EPB41L4B: variants seen among roughly 807,000 people sequenced by gnomAD.
EPB41L4B encodes the protein band 4.1-like protein 4B.
In EPB41L4B, 30 loss-of-function variants were observed where a neutral mutation model predicts 112.5. That is an observed-to-expected ratio of 0.27 (90% CI 0.20 to 0.36). The LOEUF is 0.36. EPB41L4B is among the 10% of genes least tolerant of loss of function. EPB41L4B has a pLI of 1.00. For synonymous variants in EPB41L4B, 408 were observed against 439.7 expected, an observed-to-expected ratio of 0.93 and a Z score of 0.90; for missense variants, 1,024 against 1,133.3, an observed-to-expected ratio of 0.90 and a Z score of 1.38.
intron 21 of EPB41L4B, among the ~76,000 whole-genome samples, chr9:109,193,834 G>C (rs1832548842): frequency 6.6e-6 from 1 of 152,206 alleles, no homozygotes. Flanking sequence ...CATAAGGGAA[G>C]GGATGGGGAC....
At chr9:109,184,880 A>C (rs1832199515) in intron 23 of EPB41L4B, among the ~76,000 whole-genome samples, 1 of 152,272 alleles carries the variant, frequency 6.6e-6, no homozygotes, top group African/African-American at 2.4e-5. Context: ...TTGATGAAAT[A>C]CAAATAGTCA....
At chr9:109,191,119 C>T (rs974727491) in intron 22 of EPB41L4B, among the ~76,000 whole-genome samples, 9 of 152,132 alleles carry the variant, frequency 5.9e-5, no homozygotes, top group Non-Finnish European at 1.2e-4. Flanking sequence ...TGGCTGGAGT[C>T]CCCTCTTCCC....
intron 20 of EPB41L4B, among the ~76,000 whole-genome samples, chr9:109,200,024 A>C (rs7864092): frequency 0.34 from 52,021 of 152,024 alleles, 8,921 homozygotes; most frequent in East Asian, 0.38. Flanking sequence ...GTTTGGGAGT[A>C]ATTTATTACA....
Position 109,258,145 on chromosome 9 carries a change from C to T in EPB41L4B, c.752+32G>A, listed in dbSNP as rs778951711. ...ACACTTATTTATGACAAAATAGATACATCAGAATGCTAGACGGTTGCATCA... is the reference window on the plus strand; with the variant it reads ...ACACTTATTTATGACAAAATAGATATATCAGAATGCTAGACGGTTGCATCA... On this transcript the variant is annotated intron_variant, in intron 7 of 25. Coordinates refer to ENST00000374566, the MANE Select transcript of EPB41L4B (RefSeq NM_019114.5). 48 of 1,596,066 alleles carry T rather than the reference C, an allele frequency of 3.0e-5. No individual in the cohort carries two copies. The South Asian group carries it at 3.1e-4, about 10-fold the overall frequency.
At chr9:109,189,283 G>C (rs1392848843) in intron 22 of EPB41L4B, among the ~76,000 whole-genome samples, 1 of 152,204 alleles carries the variant, frequency 6.6e-6, no homozygotes, top group South Asian at 2.1e-4. Flanking sequence ...AAAAGAGTTG[G>C]GGATTAGAGA....
At chr9:109,214,053 T>C (rs758113282) in intron 16 of EPB41L4B, among the ~76,000 whole-genome samples, 5 of 152,342 alleles carry the variant, frequency 3.3e-5, no homozygotes, top group Middle Eastern at 6.8e-3. Flanking sequence ...TACGTTGTTT[T>C]GCCTCTCTGA....
intron 15 of EPB41L4B, among the ~76,000 whole-genome samples, chr9:109,223,447 A>AC (rs1159659106): frequency 1.3e-5 from 2 of 151,688 alleles, no homozygotes. Flanking sequence ...AAAAAAAAAA[A>AC]AAAAATTGTT....
chr9:109,310,323 G>C (rs1348111243), intron 1 of EPB41L4B, among the ~76,000 whole-genome samples: 1 of 151,872 alleles, frequency 6.6e-6, no homozygotes, highest in East Asian at 1.9e-4. Context: ...GAAAAGAAAG[G>C]GATGAAAGAC....
intron 7 of EPB41L4B, among the ~76,000 whole-genome samples, chr9:109,257,811 G>A (rs763761418): frequency 3.3e-5 from 5 of 152,120 alleles, no homozygotes; most frequent in African/African-American, 4.8e-5. Flanking sequence ...CCTAGGCAAC[G>A]TGGTGAAACC....
At chr9:109,239,276 TACATTCTTACTGTGGGTAAAAA>T (rs1444530069) in intron 15 of EPB41L4B, among the ~76,000 whole-genome samples, 2 of 152,200 alleles carry the variant, frequency 1.3e-5, no homozygotes, top group African/African-American at 4.8e-5. Flanking sequence ...AGATGATGTA[TACATTCTTACTGTGGGTAAAAA>T]AGGGAATTCA....
intron 1 of EPB41L4B, among the ~76,000 whole-genome samples, chr9:109,281,726 T>TAAATAAATA (rs1564317273): frequency 1.3e-4 from 11 of 83,290 alleles, no homozygotes; most frequent in Admixed American, 1.2e-4. Flanking sequence ...ATAAATAAAT[T>TAAATAAATA]AATTAATTAA....
intron 4 of EPB41L4B, 95 bp from the exon 5 acceptor site, chr9:109,265,119 A>C (rs1340542712): frequency 2.1e-6 from 2 of 970,560 alleles, no homozygotes; most frequent in African/African-American, 3.3e-5. Flanking sequence ...CACACACAGC[A>C]TGGAGTTTTG....
At chr9:109,224,511 G>A (rs1833695849) in intron 15 of EPB41L4B, among the ~76,000 whole-genome samples, 1 of 152,188 alleles carries the variant, frequency 6.6e-6, no homozygotes, top group Non-Finnish European at 1.5e-5. Context: ...GAGGTAGAAA[G>A]TGGATTACCG....
chr9:109,267,318 T>C (rs1835443414), intron 4 of EPB41L4B, among the ~76,000 whole-genome samples, 155 bp downstream of exon 4: 2 of 152,220 alleles, frequency 1.3e-5, no homozygotes, highest in African/African-American at 4.8e-5. Flanking sequence ...TGTGGATTTT[T>C]AACGGAACAC....
chr9:109,279,606 C>T (rs1373972448), intron 2 of EPB41L4B, among the ~76,000 whole-genome samples: 7 of 152,208 alleles, frequency 4.6e-5, no homozygotes, highest in African/African-American at 1.7e-4. Flanking sequence ...TTCACATCCT[C>T]TCCTGGTTAC....
At chr9:109,199,377 A>C (rs1226247815) in intron 20 of EPB41L4B, among the ~76,000 whole-genome samples, 1 of 152,058 alleles carries the variant, frequency 6.6e-6, no homozygotes, top group African/African-American at 2.4e-5. Context: ...AATATGGCAA[A>C]AGTGATGGGG....
chr9:109,237,430 AG>A (rs1373455477), intron 15 of EPB41L4B, among the ~76,000 whole-genome samples: 1 of 152,226 alleles, frequency 6.6e-6, no homozygotes, highest in African/African-American at 2.4e-5. Context: ...AAAATGTAAA[AG>A]TTAATTCCAT....
At chr9:109,202,725 G>A (rs1181732184) in intron 19 of EPB41L4B, among the ~76,000 whole-genome samples, 2 of 152,206 alleles carry the variant, frequency 1.3e-5, no homozygotes, top group African/African-American at 4.8e-5. Context: ...GGGGATGGGA[G>A]GAGAGTGGAT....
At chr9:109,176,494 T>C in intron 25 of EPB41L4B, 57 bp downstream of exon 25, 1 of 1,534,406 alleles carries the variant, frequency 6.5e-7, no homozygotes, top group Admixed American at 2.1e-5. Flanking sequence ...GAACCTAGAG[T>C]CTCCCTGGTT....
Sources: allele counts gnomAD v4.1 joint callset (sites outside exome capture counted in the v4.1 genomes callset), GRCh38; gene constraint gnomAD v4.1.1; transcripts MANE v1.5; gene names NCBI Gene and HGNC (gene_info 2026-07-23, HGNC 2026-07-21).